OSBPL1A: variants seen among roughly 807,000 people sequenced by gnomAD.
OSBPL1A encodes the protein oxysterol-binding protein-related protein 1.
A neutral mutation model predicts 137.1 loss-of-function variants in OSBPL1A; 80 were observed. That is an observed-to-expected ratio of 0.58 (90% CI 0.49 to 0.70). The LOEUF is 0.70. Ranked by LOEUF, OSBPL1A falls within the 30% of genes least tolerant of loss-of-function variation. The probability of loss-of-function intolerance (pLI) is 0.00; values close to 1 mark genes in which losing one functional copy is unlikely to be tolerated. For synonymous variants in OSBPL1A, 365 were observed against 389.7 expected (o/e 0.94, Z 0.75); for missense variants, 970 against 1,129.4 (o/e 0.86, Z 2.02).
At chr18:24,307,377 G>A (rs190789375) in intron 13 of OSBPL1A, among the ~76,000 whole-genome samples, 2 of 152,330 alleles carry the variant, frequency 1.3e-5, no homozygotes, top group Non-Finnish European at 2.9e-5. Flanking sequence ...TTATGCCCCT[G>A]CTTTGTAACT....
At chr18:24,183,359 C>G (rs1221587367) in intron 18 of OSBPL1A, among the ~76,000 whole-genome samples, 1 of 152,120 alleles carries the variant, frequency 6.6e-6, no homozygotes, top group Non-Finnish European at 1.5e-5. Flanking sequence ...GGGATACATA[C>G]CTATGTATTT....
At chr18:24,173,270 A>G (rs923761213) in intron 21 of OSBPL1A, among the ~76,000 whole-genome samples, 55 of 152,124 alleles carry the variant, frequency 3.6e-4, no homozygotes, top group African/African-American at 1.3e-3. Context: ...TGGAGGAGGG[A>G]GAGGATCAGA....
intron 4 of OSBPL1A, among the ~76,000 whole-genome samples, chr18:24,363,179 T>C (rs2091650245): frequency 1.3e-5 from 2 of 152,178 alleles, no homozygotes; most frequent in African/African-American, 4.8e-5. Flanking sequence ...ACAAACTCGG[T>C]GGCTTAAAAC....
intron 15 of OSBPL1A, among the ~76,000 whole-genome samples, chr18:24,248,908 G>A (rs1358436464): frequency 1.3e-5 from 2 of 152,186 alleles, no homozygotes; most frequent in Non-Finnish European, 2.9e-5. Context: ...ATACACAAAT[G>A]ACAATTTAAC....
chr18:24,266,192 G>C (rs2089567250), intron 15 of OSBPL1A, among the ~76,000 whole-genome samples: 1 of 152,130 alleles, frequency 6.6e-6, no homozygotes, highest in Non-Finnish European at 1.5e-5. Flanking sequence ...CATAATAGCA[G>C]GTTTGAGTTC....
intron 14 of OSBPL1A, among the ~76,000 whole-genome samples, chr18:24,290,098 T>C (rs925314772): frequency 1.3e-5 from 2 of 152,058 alleles, no homozygotes; most frequent in Non-Finnish European, 2.9e-5. Context: ...TACTAGATAA[T>C]ATAAATTGTA....
chr18:24,167,503 C>T (rs2086173764), intron 24 of OSBPL1A, 58 bp from the exon 25 acceptor site: 4 of 1,363,484 alleles, frequency 2.9e-6, no homozygotes, highest in East Asian at 2.3e-5. Flanking sequence ...TACAGTCAAG[C>T]ACCACATAAT....
At chr18:24,310,581 G>A (rs1228822019) in intron 13 of OSBPL1A, among the ~76,000 whole-genome samples, 6 of 124,648 alleles carry the variant, frequency 4.8e-5, no homozygotes, top group Non-Finnish European at 7.9e-5. Context: ...CAGCCTGGGC[G>A]ACAGAGCAAG....
intron 17 of OSBPL1A, among the ~76,000 whole-genome samples, chr18:24,216,947 A>T (rs2087721377): frequency 6.6e-6 from 1 of 152,200 alleles, no homozygotes; most frequent in South Asian, 2.1e-4. Context: ...GAAACAAATG[A>T]TGTAAGCCTG....
At chr18:24,242,361 A>G (rs2146014351) in intron 15 of OSBPL1A, among the ~76,000 whole-genome samples, 1 of 152,038 alleles carries the variant, frequency 6.6e-6, no homozygotes, top group Middle Eastern at 3.4e-3. Flanking sequence ...AAGAAAGAAA[A>G]GAAAAGCACT....
At chr18:24,305,728 T>A (rs889067043) in intron 13 of OSBPL1A, among the ~76,000 whole-genome samples, 2 of 152,162 alleles carry the variant, frequency 1.3e-5, no homozygotes, top group Non-Finnish European at 2.9e-5. Context: ...ATAATCCCCA[T>A]GTTTTGTGGG....
chr18:24,321,529 T>C, intron 7 of OSBPL1A: 1 of 377,094 alleles, frequency 2.7e-6, no homozygotes, highest in South Asian at 2.1e-5. Flanking sequence ...GCTCAAGCGA[T>C]CTGCCAGCCT....
chr18:24,345,700 G>T (rs1417447064), intron 4 of OSBPL1A, among the ~76,000 whole-genome samples: 1 of 151,882 alleles, frequency 6.6e-6, no homozygotes, highest in African/African-American at 2.4e-5. Flanking sequence ...AAAAAAAGTA[G>T]TTGATAAAGG....
Position 24,171,504 on chromosome 18 carries a change from A to T in OSBPL1A, c.2202-6T>A, listed in dbSNP as rs766801339. ...ACACACATTTGTCCCCAGTCCTATA[A>T]AGAAAATACTAAGTTCAGATTATCA... On this transcript the variant is annotated splice_region_variant and splice_polypyrimidine_tract_variant and intron_variant, in intron 22 of 27. Transcript: ENST00000319481. The T allele has an allele frequency of 6.3e-7, 1 of 1,599,408 alleles. No homozygotes were observed. Among genetic ancestry groups the T allele is most frequent in the Admixed American group, 1.7e-5 (1 of 58,346 alleles).
intron 15 of OSBPL1A, among the ~76,000 whole-genome samples, chr18:24,257,807 A>C (rs1178453394): frequency 6.6e-6 from 1 of 152,244 alleles, no homozygotes; most frequent in Non-Finnish European, 1.5e-5. Flanking sequence ...ATGCTATTAA[A>C]ACATGAGTCA....
chr18:24,317,037 C>A, intron 11 of OSBPL1A, 112 bp downstream of exon 11: 1 of 1,044,228 alleles, frequency 9.6e-7, no homozygotes, highest in South Asian at 1.5e-5. Context: ...GTGTTTTCTA[C>A]AGCATTCCAC....
At chr18:24,273,263 TAAC>T (rs1271134017) in intron 15 of OSBPL1A, among the ~76,000 whole-genome samples, 1 of 152,204 alleles carries the variant, frequency 6.6e-6, no homozygotes, top group African/African-American at 2.4e-5. Context: ...CTCAGAATAA[TAAC>T]TGTTACTGTA....
At chr18:24,329,573 T>C (rs963164451) in intron 7 of OSBPL1A, among the ~76,000 whole-genome samples, 3 of 150,526 alleles carry the variant, frequency 2.0e-5, no homozygotes, top group Admixed American at 2.0e-4. Context: ...AAGAACAGTA[T>C]GATCTGCTAG....
intron 17 of OSBPL1A, among the ~76,000 whole-genome samples, chr18:24,211,631 T>G (rs978144176): frequency 6.6e-6 from 1 of 150,818 alleles, no homozygotes; most frequent in African/African-American, 2.4e-5. Context: ...TTTTTCCCAG[T>G]GCAGATTTAA....
Sources: allele counts gnomAD v4.1 joint callset (sites outside exome capture counted in the v4.1 genomes callset), GRCh38; gene constraint gnomAD v4.1.1; transcripts MANE v1.5; gene names NCBI Gene and HGNC (gene_info 2026-07-23, HGNC 2026-07-21).